GRAMD1B: variants seen among roughly 807,000 people sequenced by gnomAD.
GRAMD1B encodes protein Aster-B.
Under a neutral mutation model 99.7 loss-of-function variants are expected in GRAMD1B, and 37 were observed. That is an observed-to-expected ratio of 0.37 (90% CI 0.29 to 0.49). The LOEUF is 0.49. Ranked by LOEUF, GRAMD1B falls within the 20% of genes least tolerant of loss-of-function variation. GRAMD1B has a pLI of 0.98. For missense variants in GRAMD1B, 888 were observed against 1,009.2 expected, an observed-to-expected ratio of 0.88 and a Z score of 1.63; for synonymous variants, 427 against 387.6, an observed-to-expected ratio of 1.10 and a Z score of -1.19.
intron 2 of GRAMD1B, among the ~76,000 whole-genome samples, chr11:123,500,953 C>T (rs1420117270): frequency 6.6e-6 from 1 of 151,850 alleles, no homozygotes; most frequent in Non-Finnish European, 1.5e-5. Flanking sequence ...GGATTACAGT[C>T]GTGAGCCACC....
At chr11:123,558,742 T>C (rs964349256) in intron 2 of GRAMD1B, among the ~76,000 whole-genome samples, 2 of 152,136 alleles carry the variant, frequency 1.3e-5, no homozygotes, top group Non-Finnish European at 2.9e-5. Flanking sequence ...ATACCTTTCT[T>C]TGGAGCTGGG....
chr11:123,602,694 A>G (rs992500221), intron 8 of GRAMD1B, among the ~76,000 whole-genome samples: 3 of 152,134 alleles, frequency 2.0e-5, no homozygotes, highest in African/African-American at 7.2e-5. Context: ...TCTGAACCCA[A>G]TGAGAACAAA....
At chr11:123,490,602 AAAG>A (rs1254314869) in intron 2 of GRAMD1B, among the ~76,000 whole-genome samples, 1 of 152,228 alleles carries the variant, frequency 6.6e-6, no homozygotes, top group Non-Finnish European at 1.5e-5. Context: ...ATAGTGAAAA[AAAG>A]AAGCAGACAA....
intron 2 of GRAMD1B, among the ~76,000 whole-genome samples, chr11:123,520,294 G>T (rs1238100893): frequency 6.6e-6 from 1 of 152,108 alleles, no homozygotes; most frequent in East Asian, 1.9e-4. Context: ...GACTCAGAAA[G>T]GCCAGTTTCT....
At chr11:123,466,734 T>C in intron 1 of GRAMD1B, among the ~76,000 whole-genome samples, 1 of 152,106 alleles carries the variant, frequency 6.6e-6, no homozygotes, top group Non-Finnish European at 1.5e-5. Flanking sequence ...TGGTCCAGGG[T>C]TTTGACCAAT....
intron 2 of GRAMD1B, chr11:123,491,660 C>T (rs1938573338): frequency 5.2e-6 from 2 of 383,464 alleles, no homozygotes; most frequent in East Asian, 3.7e-5. Context: ...GGACCCCAGG[C>T]TTGCCCACCC....
In GRAMD1B at chr11:123,430,981, C is replaced by T. The variant is rs968215316; in HGVS notation, c.189C>T (p.Asp63=). ...GCCTGGAGGCCGGGCTGGCCCGGGA[C>T]CTGCCCGCCGTCTTGGCCCCCGGCA... ...EQSLEAGLAR[D]LPAVLAPGKE... is the part of the protein sequence containing the mutation. Residue 63 remains aspartate, a synonymous_variant, in exon 1 of 20, where the codon GAC becomes GAT. Coordinates refer to ENST00000635736, the MANE Select transcript of GRAMD1B (RefSeq NM_001387025.1). 3.1e-4 allele frequency: 219 copies of T among 702,750 alleles called. 2 individuals are homozygous for T. In the Admixed American group the frequency reaches 4.3e-3, roughly 14 times the overall value. The allele number at this position is 702,750 out of a possible 1,614,324, so 43.5% of individuals were successfully genotyped here. A position where few individuals can be genotyped will look rare whatever the true frequency, so the allele number is the denominator to read the frequency against.
In GRAMD1B at chr11:123,411,707, T is replaced by G. The variant is rs118118055; in HGVS notation, c.-176+52908T>G. On this transcript the variant is annotated intron_variant, in intron 1 of 20. Coordinates refer to the GRAMD1B transcript ENST00000638157. ...TCTTGCTCTGTCACACAGGCTGGAG[T>G]GCAGAACATGGCTCACTGCAGCCTT... Among the ~76,000 whole-genome samples, 3 of 152,230 alleles carry G rather than the reference T, an allele frequency of 2.0e-5. No individual in the cohort carries two copies. In the East Asian group the frequency reaches 5.8e-4, roughly 29 times the overall value.
rs375250787 is a variant in GRAMD1B at position 123,606,585 on chromosome 11, G to A, written c.1324-24G>A. 70 of 1,594,110 alleles carry A rather than the reference G, an allele frequency of 4.4e-5. 1 individual carries two copies. In the Middle Eastern group the frequency reaches 1.1e-3, roughly 26 times the overall value. On this transcript the variant is annotated intron_variant, in intron 10 of 19. Transcript: ENST00000635736. Reference sequence around the variant, plus strand: ...GATCCAGACCAGGTTTCCCTGGTGGGTGACTCCTCTGTCTTGGCTCCAGTT... The same window carrying A: ...GATCCAGACCAGGTTTCCCTGGTGGATGACTCCTCTGTCTTGGCTCCAGTT...
At chr11:123,435,593 A>G (rs1191627111) in intron 1 of GRAMD1B, 5 of 613,810 alleles carry the variant, frequency 8.1e-6, no homozygotes, top group Middle Eastern at 2.5e-4. Context: ...TCCAAGACCA[A>G]TCATGTTCAT....
intron 1 of GRAMD1B, among the ~76,000 whole-genome samples, chr11:123,365,622 G>T (rs922345011): frequency 6.6e-6 from 1 of 152,158 alleles, no homozygotes; most frequent in Non-Finnish European, 1.5e-5. Context: ...CTGCACCTCT[G>T]CAGGTAGGGG....
intron 7 of GRAMD1B, chr11:123,598,357 C>T: frequency 9.0e-7 from 1 of 1,107,178 alleles, no homozygotes; most frequent in Non-Finnish European, 1.4e-6. Flanking sequence ...CTCTAACTCT[C>T]ACTGATTTGC....
chr11:123,446,977 C>A (rs541318134), intron 1 of GRAMD1B, among the ~76,000 whole-genome samples: 1 of 151,914 alleles, frequency 6.6e-6, no homozygotes, highest in East Asian at 1.9e-4. Context: ...GAAAGAGAGG[C>A]AAGAAAGGCA....
chr11:123,588,009 C>T (rs1950236407), intron 4 of GRAMD1B, among the ~76,000 whole-genome samples: 1 of 150,928 alleles, frequency 6.6e-6, no homozygotes, highest in Non-Finnish European at 1.5e-5. Context: ...AGCCCAGCCC[C>T]ACCCCTTCTC....
intron 2 of GRAMD1B, among the ~76,000 whole-genome samples, chr11:123,548,406 C>T (rs1945294931): frequency 6.8e-6 from 1 of 147,334 alleles, no homozygotes; most frequent in Non-Finnish European, 1.5e-5. Flanking sequence ...GACCTGGCAA[C>T]CTCTCAAAGC....
At chr11:123,604,663 T>C (rs1388719869) in intron 9 of GRAMD1B, among the ~76,000 whole-genome samples, 2 of 152,210 alleles carry the variant, frequency 1.3e-5, no homozygotes, top group Non-Finnish European at 2.9e-5. Flanking sequence ...CATTTGGTTA[T>C]CTCCAAAATG....
rs1937625818 is a variant in GRAMD1B at position 123,485,413 on chromosome 11, A to G, written c.452+4520A>G. Among the ~76,000 whole-genome samples the G allele has an allele frequency of 2.6e-5, 4 of 152,304 alleles. No individual in the cohort carries two copies. In the South Asian group the frequency reaches 8.3e-4, roughly 32 times the overall value. On this transcript the variant is annotated intron_variant, in intron 2 of 19. Transcript: ENST00000635736. ...TACACAGCAGTGGGTGGAATACCTT[A>G]ATACGGTGTTCAAACCTAAGGATTT... is the stretch of plus-strand genomic sequence containing the variant.
At position 123,614,651 on chromosome 11, in the gene GRAMD1B, A is replaced by C. The variant is rs772186886; in HGVS notation, c.2228-94A>C. 44 of 669,650 alleles carry C rather than the reference A, an allele frequency of 6.6e-5. No individual in the cohort carries two copies. In the South Asian group the frequency reaches 8.3e-4, roughly 13 times the overall value. 41.5% of individuals were successfully genotyped at this position (669,650 alleles called of 1,614,324 possible). A position where few individuals can be genotyped will look rare whatever the true frequency, so the allele number is the denominator to read the frequency against. ...ACAGTGTCATGGACATTTTTCCATC[A>C]GTCTCTGATGTTTGCTGTTTGACCA... On this transcript the variant is annotated intron_variant, in intron 16 of 19. Coordinates refer to ENST00000635736, the MANE Select transcript of GRAMD1B (RefSeq NM_001387025.1).
intron 2 of GRAMD1B, among the ~76,000 whole-genome samples, chr11:123,482,947 T>C (rs1951692878): frequency 6.6e-6 from 1 of 151,712 alleles, no homozygotes; most frequent in African/African-American, 2.4e-5. Context: ...TAGTCCTAGC[T>C]ACTCCGGAGG....
Sources: gnomAD v4.1 joint callset for allele counts (sites outside exome capture counted in the v4.1 genomes callset) on GRCh38, gnomAD v4.1.1 for gene constraint, MANE v1.5 for transcripts, NCBI Gene and HGNC (gene_info 2026-07-23, HGNC 2026-07-21) for gene names.